Variants in CNTN1 observed in about 807,000 individuals in gnomAD.
CNTN1 encodes contactin 1.
A neutral mutation model predicts 126.4 loss-of-function variants in CNTN1; 38 were observed. The ratio of observed to expected loss-of-function variants is 0.30; its 90% confidence interval spans 0.23 to 0.39. The LOEUF is 0.39. CNTN1 is among the 10% of genes least tolerant of loss of function. The pLI, the probability that CNTN1 is intolerant of heterozygous loss-of-function variation, is 1.00. For missense variants in CNTN1, 1,009 were observed against 1,248.4 expected, an observed-to-expected ratio of 0.81 and a Z score of 2.89; for synonymous variants, 413 against 422.6, an observed-to-expected ratio of 0.98 and a Z score of 0.28.
chr12:41,063,415 A>AG (rs761864482), intron 23 of CNTN1, among the ~76,000 whole-genome samples: 4 of 152,218 alleles, frequency 2.6e-5, no homozygotes, highest in Non-Finnish European at 5.9e-5. Context: ...TCCTTGATAG[A>AG]AAGTTACTGT....
intron 1 of CNTN1, among the ~76,000 whole-genome samples, chr12:40,850,494 A>C (rs1020439971): frequency 6.6e-6 from 1 of 152,154 alleles, no homozygotes; most frequent in Non-Finnish European, 1.5e-5. Context: ...GTTATAAAAC[A>C]AAATGGATTT....
At position 40,982,708 on chromosome 12, in the gene CNTN1, AAAACCTGTCTTCAAGGAGCT is replaced by A. The variant is rs553730229; in HGVS notation, c.1963+1642_1963+1661del. 7.4e-4 allele frequency among the ~76,000 whole-genome samples: 112 copies of A among 152,276 alleles called. 2 individuals are homozygous for A. Among genetic ancestry groups the A allele is most frequent in the African/African-American group, 2.5e-3 (102 of 41,556 alleles). ...TAGCAGTGAACATAATAACAACAAT[AAAACCTGTCTTCAAGGAGCT>A]TATATTATAGTAGAAGAGATGCCAA... On this transcript the variant is annotated intron_variant, in intron 16 of 23. Transcript: ENST00000551295.
intron 12 of CNTN1, among the ~76,000 whole-genome samples, chr12:40,941,568 T>C (rs1946265257): frequency 6.6e-6 from 1 of 152,118 alleles, no homozygotes; most frequent in South Asian, 2.1e-4. Flanking sequence ...ATGATTTTAT[T>C]TTTGGCTCAA....
chr12:40,951,573 G>T (rs984926432), intron 14 of CNTN1, among the ~76,000 whole-genome samples: 2 of 151,724 alleles, frequency 1.3e-5, no homozygotes, highest in African/African-American at 4.8e-5. Flanking sequence ...GCCTAGGGTG[G>T]TGGTGCACAC....
intron 1 of CNTN1, among the ~76,000 whole-genome samples, chr12:40,907,071 C>A (rs1010848372): frequency 2.0e-5 from 3 of 152,082 alleles, no homozygotes; most frequent in African/African-American, 7.2e-5. Context: ...GATTTAATGT[C>A]TTTTCAAGAT....
rs368856925 is a variant in CNTN1, at chr12:41,040,069, C to A, written c.2980+10850C>A. Among the ~76,000 whole-genome samples the A allele has an allele frequency of 1.9e-3, 296 of 152,086 alleles. 1 individual carries two copies. The highest frequency in any genetic ancestry group is 6.5e-3 in the African/African-American group (271 of 41,506). On this transcript the variant is annotated intron_variant, in intron 23 of 23. Transcript: ENST00000551295. ...TTCCCTCTGTGGTTGAAAGATTCTG[C>A]AGATGTGTTAGGAATCACACAGACC...
intron 23 of CNTN1, among the ~76,000 whole-genome samples, chr12:41,040,064 T>C (rs941853864): frequency 3.9e-5 from 6 of 152,064 alleles, no homozygotes; most frequent in Non-Finnish European, 7.4e-5. Context: ...GGTTGAAAGA[T>C]TCTGCAGATG....
At chr12:41,000,627 G>GT (rs1950116949) in intron 17 of CNTN1, among the ~76,000 whole-genome samples, 1 of 80,496 alleles carries the variant, frequency 1.2e-5, no homozygotes, top group African/African-American at 7.7e-5. Flanking sequence ...TAATCATATA[G>GT]TTTTATTTTT....
At chr12:40,877,022 G>A (rs1315234447) in intron 1 of CNTN1, among the ~76,000 whole-genome samples, 4 of 152,068 alleles carry the variant, frequency 2.6e-5, no homozygotes, top group Non-Finnish European at 5.9e-5. Context: ...TAATCACTTG[G>A]TTTTGAGCTG....
intron 23 of CNTN1, among the ~76,000 whole-genome samples, chr12:41,050,585 C>G (rs1414045206): frequency 6.6e-6 from 1 of 152,206 alleles, no homozygotes; most frequent in African/African-American, 2.4e-5. Flanking sequence ...CTGGGGATTA[C>G]AGTTCAATCT....
At position 40,898,717 on chromosome 12, in the gene CNTN1, G is replaced by A. The variant is rs183049599; in HGVS notation, c.-76-9640G>A. On this transcript the variant is annotated intron_variant, in intron 1 of 23. Transcript: ENST00000551295. Reference sequence around the variant, plus strand: ...GGAGGACTGTACCTTCCATGTTGACGTCTCTTAATCTGAACAGCAGCTAAT... The same window carrying A: ...GGAGGACTGTACCTTCCATGTTGACATCTCTTAATCTGAACAGCAGCTAAT... Among the ~76,000 whole-genome samples the A allele has an allele frequency of 1.6e-4, 25 of 152,210 alleles. No homozygotes were observed. In the East Asian group the frequency reaches 3.1e-3, roughly 19 times the overall value.
rs189904970 is a variant in CNTN1, at chr12:40,709,782, A to G, written c.-77+17190A>G. Among the ~76,000 whole-genome samples the G allele has an allele frequency of 8.1e-3, 1,229 of 152,188 alleles. 14 individuals carry two copies. The highest frequency in any genetic ancestry group is 0.017 in the Middle Eastern group (5 of 294). Reference sequence around the variant, plus strand: ...GCTAGCTTCCAGCTCTTCTTTTAGCATTCATACAATGGAAGAGAGTCAGGG... The same window carrying G: ...GCTAGCTTCCAGCTCTTCTTTTAGCGTTCATACAATGGAAGAGAGTCAGGG... On this transcript the variant is annotated intron_variant, in intron 1 of 23. Transcript: ENST00000551295.
intron 1 of CNTN1, among the ~76,000 whole-genome samples, chr12:40,848,030 G>A (rs1364381960): frequency 1.3e-5 from 2 of 152,172 alleles, no homozygotes; most frequent in Non-Finnish European, 2.9e-5. Context: ...AGCAATGCTT[G>A]CCTGCACTCT....
chr12:40,854,891 G>A (rs1942844537), intron 1 of CNTN1, among the ~76,000 whole-genome samples: 1 of 152,094 alleles, frequency 6.6e-6, no homozygotes. Context: ...CGAGCCCAGA[G>A]GCAAGAGGGC....
At chr12:40,891,072 G>C (rs1944223802) in intron 1 of CNTN1, among the ~76,000 whole-genome samples, 1 of 152,092 alleles carries the variant, frequency 6.6e-6, no homozygotes, top group South Asian at 2.1e-4. Flanking sequence ...TTGGTATGTA[G>C]TGATATCTTT....
chr12:40,912,995 ACAGAATCTAGATGCTT>A (rs1301098624), intron 3 of CNTN1, among the ~76,000 whole-genome samples: 1 of 152,210 alleles, frequency 6.6e-6, no homozygotes, highest in African/African-American at 2.4e-5. Context: ...GGTATGTAAA[ACAGAATCTAGATGCTT>A]CAGAGGTGGG....
In CNTN1 at chr12:40,847,259, A is replaced by T. The variant is rs1043470790; in HGVS notation, c.-76-61098A>T. 2.6e-5 allele frequency among the ~76,000 whole-genome samples: 4 copies of T among 152,134 alleles called. No homozygotes were observed. In the East Asian group the frequency reaches 5.8e-4, roughly 22 times the overall value. ...GGCACCCATTTTTCTTCAATTAATA[A>T]CGTAAAAAAGACTGCATTTACCTGG... On this transcript the variant is annotated intron_variant, in intron 1 of 23. Transcript: ENST00000551295.
intron 1 of CNTN1, among the ~76,000 whole-genome samples, chr12:40,793,689 C>T (rs1222758506): frequency 6.6e-6 from 1 of 152,016 alleles, no homozygotes; most frequent in African/African-American, 2.4e-5. Flanking sequence ...TGGAATCACT[C>T]CCCTGTCTGC....
intron 1 of CNTN1, among the ~76,000 whole-genome samples, chr12:40,863,721 A>T (rs1002983291): frequency 6.6e-6 from 1 of 151,980 alleles, no homozygotes; most frequent in South Asian, 2.1e-4. Context: ...TATGTGAGGG[A>T]TCTAGACTGT....
Sources: allele counts gnomAD v4.1 joint callset (sites outside exome capture counted in the v4.1 genomes callset), GRCh38; gene constraint gnomAD v4.1.1; transcripts MANE v1.5; gene names NCBI Gene and HGNC (gene_info 2026-07-23, HGNC 2026-07-21).